The following CHRD variants were observed in gnomAD, a reference collection of about 807,000 sequenced individuals.
The protein encoded by CHRD is chordin.
Under a neutral mutation model 113.7 loss-of-function variants are expected in CHRD, and 69 were observed. The observed-to-expected ratio is 0.61, with a 90% confidence interval of 0.50 to 0.74. The LOEUF (loss-of-function observed/expected upper bound fraction) is 0.74. CHRD is among the 30% of genes least tolerant of loss of function. CHRD has a pLI of 0.00. For missense variants in CHRD, 1,194 were observed against 1,295.8 expected (o/e 0.92, Z 1.21); for synonymous variants, 561 against 540.8 (o/e 1.04, Z -0.52).
chr3:184,385,188 C>T, exon 14 of CHRD: 1 of 1,614,058 alleles, frequency 6.2e-7, no homozygotes, highest in South Asian at 1.1e-5. Context: ...CCTTGGGCCT[C>T]CTGGAACGCC....
downstream of CHRD, chr3:184,390,578 G>A (rs990198254): frequency 6.6e-6 from 1 of 151,534 alleles, no homozygotes; most frequent in Non-Finnish European, 1.5e-5. Flanking sequence ...AATAAGACAA[G>A]ACCCTCCTGC....
In CHRD at chr3:184,388,816, G is replaced by T; in HGVS notation, c.2709+75G>T. On this transcript the variant is annotated intron_variant, in intron 21 of 22. Transcript: ENST00000204604. The surrounding 1 kb of genome is among the most constrained non-coding windows in gnomAD (Gnocchi z 6.1). ...TGGAGTAGGGAGACCTTCCCAGGGA[G>T]GTCCCTGAAGAAGCTGAAGGTCACT... is the stretch of plus-strand genomic sequence containing the variant. 6.2e-7 allele frequency: 1 copy of T among 1,604,208 alleles called. No homozygotes were observed. Among genetic ancestry groups the T allele is most frequent in the Non-Finnish European group, 8.5e-7 (1 of 1,172,680 alleles).
exon 16 of CHRD, chr3:184,386,669 A>G (rs1716354184): frequency 1.6e-5 from 25 of 1,612,114 alleles, no homozygotes; most frequent in Non-Finnish European, 2.1e-5. Flanking sequence ...AGACCCCAAC[A>G]CATGCTTCTT....
In CHRD at chr3:184,384,150, C is replaced by T. The variant is rs368160731; in HGVS notation, c.1441-387C>T. On this transcript the variant is annotated intron_variant, in intron 12 of 22. Coordinates refer to ENST00000204604, the Ensembl canonical transcript of CHRD. The surrounding 1 kb of genome is among the most constrained non-coding windows in gnomAD (Gnocchi z 4.4). ...AATCATATGTGGCCCCTGTGCTTAG[C>T]AAGCTCACAGTCAAATGGGAGCATT... is the stretch of plus-strand genomic sequence containing the variant. Among the ~76,000 whole-genome samples, 1 of 152,168 alleles carries T rather than the reference C, an allele frequency of 6.6e-6. No homozygotes were observed. The highest frequency in any genetic ancestry group is 2.4e-5 in the African/African-American group (1 of 41,442).
In CHRD at chr3:184,380,642, G is replaced by GCACA. The variant is rs778785026; in HGVS notation, c.149-48_149-45dup. 22 of 1,433,564 alleles carry GCACA rather than the reference G, an allele frequency of 1.5e-5. No homozygotes were observed. The highest frequency in any genetic ancestry group is 1.9e-5 in the Non-Finnish European group (21 of 1,081,588). 88.8% of individuals were successfully genotyped at this position (1,433,564 alleles called of 1,614,324 possible). ...GGACCCGCGGGCAGCCCCCGGGGCG[G>GCACA]CACACGGCGCGAGCTGGGCAGCGGC... On this transcript the variant is annotated intron_variant, in intron 1 of 22. Coordinates refer to ENST00000204604, the Ensembl canonical transcript of CHRD. This position sits in a 1 kb window ranked among gnomAD's most constrained non-coding sequence, Gnocchi z 6.3.
chr3:184,388,672 A>G lies in CHRD; in HGVS notation c.2640A>G (p.Pro880=), dbSNP rs141759205. The G allele has an allele frequency of 2.0e-5, 32 of 1,613,804 alleles. No homozygotes were observed. Among genetic ancestry groups the G allele is most frequent in the Non-Finnish European group, 2.3e-5 (27 of 1,180,012 alleles). The change falls in exon 21 of 23, where the codon CCA becomes CCG. Residue 880 remains proline, a synonymous_variant. Coordinates refer to ENST00000204604, the Ensembl canonical transcript of CHRD. The surrounding 1 kb of genome is among the most constrained non-coding windows in gnomAD (Gnocchi z 6.1). ...GCCGTTTTGCTGGGCAGTGGTTCCC[A>G]GAGAGTCAGAGCTGGCACCCCTCAG...
Position 184,388,155 on chromosome 3 carries a change from G to A in CHRD, c.2554+122G>A, listed in dbSNP as rs1326117296. ...CTGAGCACTGCTCTGTGCCTAGCCT[G>A]GAGCCAGGACTCTAAATGCAGTGGA... is the stretch of plus-strand genomic sequence containing the variant. On this transcript the variant is annotated intron_variant, in intron 20 of 22. Transcript: ENST00000204604. This position sits in a 1 kb window ranked among gnomAD's most constrained non-coding sequence, Gnocchi z 6.1. 8 of 840,644 alleles carry A rather than the reference G, an allele frequency of 9.5e-6. No homozygotes were observed. The Admixed American group carries it at 1.0e-4, about 11-fold the overall frequency. 52.1% of individuals were successfully genotyped at this position (840,644 alleles called of 1,614,324 possible). A position where few individuals can be genotyped will look rare whatever the true frequency, so the allele number is the denominator to read the frequency against.
At position 184,380,302 on chromosome 3, in the gene CHRD, G is replaced by C. The variant is rs1715072044; in HGVS notation, c.-17G>C. 8.5e-7 allele frequency: 1 copy of C among 1,175,384 alleles called. No homozygotes were observed. The highest frequency in any genetic ancestry group is 1.1e-6 in the Non-Finnish European group (1 of 932,418). The allele number at this position is 1,175,384 out of a possible 1,614,324, so 72.8% of individuals were successfully genotyped here. ...CGCCCTCCTCCCTCCCTCCTCCCCA[G>C]CTGTCCCGTTCGCGTCATGCCGAGC... On this transcript the variant is annotated 5_prime_UTR_variant, in exon 1 of 23. Coordinates refer to ENST00000204604, the Ensembl canonical transcript of CHRD. The surrounding 1 kb of genome is among the most constrained non-coding windows in gnomAD (Gnocchi z 6.3).
Position 184,380,327 on chromosome 3 carries a change from C to T in CHRD, c.9C>T (p.Ser3=). The change falls in exon 1 of 23, where the codon AGC becomes AGT. Residue 3 remains serine (S), a synonymous_variant. Transcript: ENST00000204604. The surrounding 1 kb of genome is among the most constrained non-coding windows in gnomAD (Gnocchi z 6.3). ...GCTGTCCCGTTCGCGTCATGCCGAG[C>T]CTCCCGGCCCCGCCGGCCCCGCTGC... The T allele has an allele frequency of 7.5e-7, 1 of 1,330,092 alleles. No individual in the cohort carries two copies. The highest frequency in any genetic ancestry group is 1.5e-5 in the South Asian group (1 of 65,564). 82.4% of individuals were successfully genotyped at this position (1,330,092 alleles called of 1,614,324 possible).
In CHRD at chr3:184,384,245, C is replaced by T. The variant is rs1715937706; in HGVS notation, c.1441-292C>T. 6.6e-6 allele frequency among the ~76,000 whole-genome samples: 1 copy of T among 152,172 alleles called. No homozygotes were observed. On this transcript the variant is annotated intron_variant, in intron 12 of 22. Transcript: ENST00000204604. This position sits in a 1 kb window ranked among gnomAD's most constrained non-coding sequence, Gnocchi z 4.4. ...TGGCAATGGTTGCTACTTATAGGGC[C>T]TTTCCATGTGCTAGGTGCTGCATTG...
Position 184,387,491 on chromosome 3 carries a change from A to G in CHRD, c.2451+14A>G. ...TGCACCTGCAAGGTATGGCCACCCA[A>G]TCTTCTCTGGTGCCATAACCCAGCG... On this transcript the variant is annotated intron_variant, in intron 19 of 22. Coordinates refer to ENST00000204604, the Ensembl canonical transcript of CHRD. The surrounding 1 kb of genome is among the most constrained non-coding windows in gnomAD (Gnocchi z 6.1). The G allele has an allele frequency of 6.3e-7, 1 of 1,592,752 alleles. No homozygotes were observed. The highest frequency in any genetic ancestry group is 8.5e-7 in the Non-Finnish European group (1 of 1,170,144).
Position 184,388,914 on chromosome 3 carries a change from C to A in CHRD, c.2731C>A (p.Arg911=), listed in dbSNP as rs762973881. 6.2e-7 allele frequency: 1 copy of A among 1,613,156 alleles called. No individual in the cohort carries two copies. Among genetic ancestry groups the A allele is most frequent in the East Asian group, 2.2e-5 (1 of 44,878 alleles). Residue 911 remains arginine, a synonymous_variant, in exon 22 of 23, where the codon CGG becomes AGG. Transcript: ENST00000204604. The surrounding 1 kb of genome is among the most constrained non-coding windows in gnomAD (Gnocchi z 6.1). The stretch of plus-strand genomic sequence containing the variant: ...CCAGGCAGGGGTGCCTCACTGTGAG[C>A]GGGATGACTGTTCACTGCCACTGTC...
chr3:184,386,984 G>C, intron 17 of CHRD, 46 bp downstream of exon 17: 1 of 1,614,136 alleles, frequency 6.2e-7, no homozygotes, highest in South Asian at 1.1e-5. Context: ...GCCCAGTGCG[G>C]ACAGGTCCTT....
At position 184,388,341 on chromosome 3, in the gene CHRD, A is replaced by G. The variant is rs1716679993; in HGVS notation, c.2555-246A>G. Reference sequence around the variant, plus strand: ...CATCCACCCATTGATGCATCCATCCATGCATCCATCCATCCCTCCATCCAT... The same window carrying G: ...CATCCACCCATTGATGCATCCATCCGTGCATCCATCCATCCCTCCATCCAT... On this transcript the variant is annotated intron_variant, in intron 20 of 22. Transcript: ENST00000204604. This position sits in a 1 kb window ranked among gnomAD's most constrained non-coding sequence, Gnocchi z 6.1. Among the ~76,000 whole-genome samples, 1 of 151,246 alleles carries G rather than the reference A, an allele frequency of 6.6e-6. No homozygotes were observed. The highest frequency in any genetic ancestry group is 1.5e-5 in the Non-Finnish European group (1 of 67,818).
rs1222898902 is a variant in CHRD at position 184,381,326 on chromosome 3, G to A, written c.344G>A (p.Arg115His). ...CCAACCCCGGCCTGTGGGCAGCCGC[G>A]CCAGCTGCCGGGACACTGCTGCCAG... The change falls in exon 3 of 23, where the codon CGC becomes CAC. Residue 115 changes from arginine to histidine, a missense_variant. Coordinates refer to ENST00000204604, the Ensembl canonical transcript of CHRD. The surrounding 1 kb of genome is among the most constrained non-coding windows in gnomAD (Gnocchi z 4.7). 5 of 1,605,880 alleles carry A rather than the reference G, an allele frequency of 3.1e-6. No individual in the cohort carries two copies. Among genetic ancestry groups the A allele is most frequent in the Non-Finnish European group, 4.2e-6 (5 of 1,176,778 alleles).
chr3:184,385,813 C>T (rs993163960), intron 14 of CHRD, among the ~76,000 whole-genome samples: 1 of 151,058 alleles, frequency 6.6e-6, no homozygotes, highest in Non-Finnish European at 1.5e-5. Context: ...TATGTAATAT[C>T]CTGGACCTCA....
chr3:184,385,793 T>A (rs1397172123), intron 14 of CHRD, among the ~76,000 whole-genome samples: 1 of 151,384 alleles, frequency 6.6e-6, no homozygotes, highest in Non-Finnish European at 1.5e-5. Flanking sequence ...TGGTGGGGTG[T>A]CTTGGATAGT....
At position 184,383,159 on chromosome 3, in the gene CHRD, C is replaced by A. The variant is rs754139505; in HGVS notation, c.1209C>A (p.Cys403Ter). 1.3e-6 allele frequency: 2 copies of A among 1,582,116 alleles called. No homozygotes were observed. Among genetic ancestry groups the A allele is most frequent in the Middle Eastern group, 2.1e-4 (1 of 4,772 alleles). Residue 403 changes from cysteine (C) to a stop codon, truncating the protein, a stop_gained, in exon 10 of 23, where the codon TGC becomes TGA. Coordinates refer to ENST00000204604, the Ensembl canonical transcript of CHRD. LOFTEE classifies it high-confidence loss of function. ...GACACATTGCTGCCAGGAAGAGCTG[C>A]GACGGTGAGGCGGGGGGGGGGCCTG...
chr3:184,383,697 G>A (rs1715835288), intron 12 of CHRD, 55 bp downstream of exon 12: 7 of 1,539,522 alleles, frequency 4.5e-6, no homozygotes, highest in Non-Finnish European at 6.1e-6. Context: ...GCTGTGGGAA[G>A]CCAGGTTGGA....
Sources: allele counts gnomAD v4.1 joint callset (sites outside exome capture counted in the v4.1 genomes callset), GRCh38; gene constraint gnomAD v4.1.1; non-coding constraint Gnocchi (gnomAD v3.1); transcripts MANE v1.5; gene names NCBI Gene and HGNC (gene_info 2026-07-23, HGNC 2026-07-21).